The following APPL2 variants were observed in gnomAD, a reference collection of about 807,000 sequenced individuals.
APPL2 encodes the protein DCC-interacting protein 13-beta.
A neutral mutation model predicts 92.7 loss-of-function variants in APPL2; 84 were observed. That is an observed-to-expected ratio of 0.91 (90% CI 0.76 to 1.09). The LOEUF is 1.09. Among genes scored for constraint, APPL2 ranks in the 50% least tolerant of loss-of-function variants. The pLI, the probability that APPL2 is intolerant of heterozygous loss-of-function variation, is 0.00. For synonymous variants in APPL2, 291 were observed against 291.0 expected (o/e 1.00, Z 0.00); for missense variants, 736 against 824.5 (o/e 0.89, Z 1.31).
At position 105,217,737 on chromosome 12, in the gene APPL2, A is replaced by C; in HGVS notation, c.154-12T>G. 1 of 1,613,256 alleles carries C rather than the reference A, an allele frequency of 6.2e-7. No individual in the cohort carries two copies. Among genetic ancestry groups the C allele is most frequent in the African/African-American group, 1.3e-5 (1 of 75,040 alleles). ...AGGCACATCTCATTCTGTGGAGAGA[A>C]GAGAAAAAGCAAGTAAGATTAGTCC... On this transcript the variant is annotated splice_polypyrimidine_tract_variant and intron_variant, in intron 2 of 20. Coordinates refer to ENST00000258530, the MANE Select transcript of APPL2 (RefSeq NM_018171.5).
chr12:105,225,243 C>G (rs1445066447), intron 2 of APPL2, among the ~76,000 whole-genome samples: 2 of 151,926 alleles, frequency 1.3e-5, no homozygotes, highest in African/African-American at 2.4e-5. Flanking sequence ...GAAGAGAATG[C>G]CAGGTTACAA....
intron 2 of APPL2, among the ~76,000 whole-genome samples, chr12:105,223,303 G>A (rs549410959): frequency 9.8e-5 from 15 of 152,346 alleles, no homozygotes; most frequent in African/African-American, 3.6e-4. Flanking sequence ...CCCAGAGTCT[G>A]GAAAGTGGCA....
intron 17 of APPL2, chr12:105,177,491 A>G: frequency 1.8e-6 from 1 of 554,846 alleles, no homozygotes; most frequent in Non-Finnish European, 3.2e-6. Flanking sequence ...TAGCAAGTAG[A>G]AGATTTAACT....
At position 105,229,159 on chromosome 12, in the gene APPL2, A is replaced by C; in HGVS notation, c.119T>G (p.Leu40Arg). 1 of 1,613,446 alleles carries C rather than the reference A, an allele frequency of 6.2e-7. No individual in the cohort carries two copies. Among genetic ancestry groups the C allele is most frequent in the Non-Finnish European group, 8.5e-7 (1 of 1,179,798 alleles). The change falls in exon 2 of 21, where the codon CTG (leucine) becomes CGG (arginine). Residue 40 changes from leucine (L) to arginine (R), a missense_variant. By Grantham distance (102) the Leu-to-Arg change is moderately radical (BLOSUM62 -2). Coordinates refer to ENST00000258530, the MANE Select transcript of APPL2 (RefSeq NM_018171.5). ...AGTLTDYTNQ[L>R]LQAMQRVYGA... The stretch of plus-strand genomic sequence containing the variant: ...ATAGACGCGCTGCATTGCCTGGAGC[A>C]GCTGGTTGGTATAGTCTGTGAGGGT...
Position 105,195,517 on chromosome 12 carries a change from A to C in APPL2, c.1096-16T>G, listed in dbSNP as rs1271571169. 2 of 1,614,110 alleles carry C rather than the reference A, an allele frequency of 1.2e-6. No homozygotes were observed. The highest frequency in any genetic ancestry group is 3.3e-5 in the Admixed American group (2 of 59,998). ...CACATATCCACTGTAGAGGACATTAAAAAAGAACACTGAATCCCAAAGTCA... is the reference window on the plus strand; with the variant it reads ...CACATATCCACTGTAGAGGACATTACAAAAGAACACTGAATCCCAAAGTCA... On this transcript the variant is annotated splice_polypyrimidine_tract_variant and intron_variant, in intron 12 of 20. Transcript: ENST00000258530.
chr12:105,220,875 G>A (rs1001587571), intron 2 of APPL2, among the ~76,000 whole-genome samples: 5 of 152,188 alleles, frequency 3.3e-5, no homozygotes, highest in South Asian at 2.1e-4. Flanking sequence ...AAACGACTTC[G>A]AACAACCAGA....
rs565562839 is a variant in APPL2, at chr12:105,198,773, A to T, written c.863+600T>A. 5.3e-5 allele frequency among the ~76,000 whole-genome samples: 8 copies of T among 152,336 alleles called. No individual in the cohort carries two copies. In the East Asian group the frequency reaches 1.5e-3, roughly 29 times the overall value. On this transcript the variant is annotated intron_variant, in intron 10 of 20. Coordinates refer to ENST00000258530, the MANE Select transcript of APPL2 (RefSeq NM_018171.5). ...TAAAGCAGGTGCAGTTATCAGCTCCATTTTACAGATGAAGAGATCAAGGCT... is the reference window on the plus strand; with the variant it reads ...TAAAGCAGGTGCAGTTATCAGCTCCTTTTTACAGATGAAGAGATCAAGGCT...
chr12:105,233,064 A>C (rs1474213053), intron 1 of APPL2: 2 of 982,336 alleles, frequency 2.0e-6, no homozygotes, highest in Non-Finnish European at 2.4e-6. Flanking sequence ...TGTTGTCTTC[A>C]CCTTACCTCA....
intron 20 of APPL2, 147 bp downstream of exon 20, chr12:105,175,888 T>A (rs565197880): frequency 1.4e-6 from 1 of 690,230 alleles, no homozygotes; most frequent in Non-Finnish European, 2.3e-6. Flanking sequence ...ATCAAAAACC[T>A]CTGGTGGTTA....
At chr12:105,228,010 G>A (rs1890649167) in intron 2 of APPL2, among the ~76,000 whole-genome samples, 1 of 152,150 alleles carries the variant, frequency 6.6e-6, no homozygotes, top group Non-Finnish European at 1.5e-5. Context: ...AAGGCTCTCT[G>A]GTGATTGCTT....
chr12:105,200,050 G>A (rs543446367), intron 9 of APPL2, among the ~76,000 whole-genome samples: 2 of 151,618 alleles, frequency 1.3e-5, no homozygotes, highest in East Asian at 3.9e-4. Context: ...TCGCCAGGAC[G>A]GTCTCGATCT....
chr12:105,178,449 G>A (rs1046836686), intron 17 of APPL2, among the ~76,000 whole-genome samples: 1 of 152,220 alleles, frequency 6.6e-6, no homozygotes, highest in Admixed American at 6.5e-5. Flanking sequence ...TTGTAAAATT[G>A]ATTGTGATGA....
At position 105,229,153 on chromosome 12, in the gene APPL2, T is replaced by C. The variant is rs746954282; in HGVS notation, c.125A>G (p.Gln42Arg). 20 of 1,613,124 alleles carry C rather than the reference T, an allele frequency of 1.2e-5. No individual in the cohort carries two copies. In the East Asian group the frequency reaches 4.2e-4, roughly 34 times the overall value. ...TLTDYTNQLL[Q>R]AMQRVYGAQN... is the part of the protein sequence containing the mutation. ...GGCTCCATAGACGCGCTGCATTGCC[T>C]GGAGCAGCTGGTTGGTATAGTCTGT... The change falls in exon 2 of 21, where the codon CAG (glutamine) becomes CGG (arginine). Residue 42 changes from glutamine (Q) to arginine (R), a missense_variant. By Grantham distance (43) the Gln-to-Arg change is conservative (BLOSUM62 1). Coordinates refer to ENST00000258530, the MANE Select transcript of APPL2 (RefSeq NM_018171.5).
intron 14 of APPL2, among the ~76,000 whole-genome samples, chr12:105,193,505 A>G (rs1408034128): frequency 1.3e-5 from 2 of 152,256 alleles, no homozygotes; most frequent in African/African-American, 4.8e-5. Context: ...CATTGTGCAC[A>G]TCAAACATTT....
intron 9 of APPL2, among the ~76,000 whole-genome samples, 191 bp from the exon 10 acceptor site, chr12:105,199,722 A>T (rs1420517254): frequency 6.6e-6 from 1 of 152,196 alleles, no homozygotes; most frequent in Non-Finnish European, 1.5e-5. Context: ...TCAATTTTGC[A>T]GTAGTAAATG....
At chr12:105,230,843 C>A (rs1341948018) in intron 1 of APPL2, among the ~76,000 whole-genome samples, 1 of 152,130 alleles carries the variant, frequency 6.6e-6, no homozygotes, top group Non-Finnish European at 1.5e-5. Context: ...ATAGAAGAGC[C>A]ACTGTGCAAT....
intron 17 of APPL2, among the ~76,000 whole-genome samples, chr12:105,186,680 T>TTA (rs1886722951): frequency 4.3e-5 from 3 of 70,220 alleles, no homozygotes; most frequent in South Asian, 5.6e-4. Context: ...ATATGATATA[T>TTA]CATATATATA....
In APPL2 at chr12:105,211,333, TG is replaced by T; in HGVS notation, c.286-17del. ...GAAGATTAAGCTGAAAGAAAGAGAA[TG>T]GTATTCAAGTAAATTAAATACATTA... On this transcript the variant is annotated splice_polypyrimidine_tract_variant and intron_variant, in intron 4 of 20. Transcript: ENST00000258530. 6.4e-7 allele frequency: 1 copy of T among 1,563,540 alleles called. No homozygotes were observed. Among genetic ancestry groups the T allele is most frequent in the Non-Finnish European group, 8.8e-7 (1 of 1,134,480 alleles).
chr12:105,188,187 G>C, intron 17 of APPL2, 86 bp downstream of exon 17: 1 of 1,441,430 alleles, frequency 6.9e-7, no homozygotes. Flanking sequence ...CTTCATTCCA[G>C]TACTAACATT....
Sources: gnomAD v4.1 joint callset for allele counts (sites outside exome capture counted in the v4.1 genomes callset) on GRCh38, gnomAD v4.1.1 for gene constraint, MANE v1.5 for transcripts, NCBI Gene and HGNC (gene_info 2026-07-23, HGNC 2026-07-21) for gene names.